Variants in KIF27 observed in about 807,000 individuals in gnomAD.
The protein encoded by KIF27 is kinesin-like protein KIF27.
Under a neutral mutation model 141.8 loss-of-function variants are expected in KIF27, and 84 were observed. That is an observed-to-expected ratio of 0.59 (90% CI 0.50 to 0.71). The LOEUF is 0.71. KIF27 is among the 30% of genes least tolerant of loss of function. KIF27 has a pLI of 0.00. For synonymous variants in KIF27, 471 were observed against 569.5 expected (o/e 0.83, Z 2.46); for missense variants, 1,306 against 1,628.4 (o/e 0.80, Z 3.41).
At chr9:83,854,300 C>T (rs1419292318) in intron 14 of KIF27, among the ~76,000 whole-genome samples, 1 of 152,040 alleles carries the variant, frequency 6.6e-6, no homozygotes, top group Non-Finnish European at 1.5e-5. Flanking sequence ...GTTGTCCCTT[C>T]AGTGATCTAT....
intron 16 of KIF27, chr9:83,847,993 T>C (rs1947523814): frequency 6.9e-6 from 1 of 145,218 alleles, no homozygotes; most frequent in Non-Finnish European, 1.5e-5. Flanking sequence ...ATATCCTATA[T>C]ATTTTATATA....
intron 13 of KIF27, among the ~76,000 whole-genome samples, 158 bp downstream of exon 13, chr9:83,867,526 A>G (rs1190640444): frequency 1.3e-5 from 2 of 151,266 alleles, no homozygotes; most frequent in Non-Finnish European, 1.5e-5. Context: ...ATCCAAAGCA[A>G]TTGCACCATT....
chr9:83,887,270 A>G, intron 8 of KIF27, 74 bp from the exon 9 acceptor site: 1 of 1,062,704 alleles, frequency 9.4e-7, no homozygotes, highest in Non-Finnish European at 1.3e-6. Context: ...AAAAAAGAAA[A>G]GCAGACTCAA....
At chr9:83,891,008 G>A (rs1182965260) in intron 6 of KIF27, among the ~76,000 whole-genome samples, 1 of 152,144 alleles carries the variant, frequency 6.6e-6, no homozygotes. Flanking sequence ...AATTCATGTA[G>A]ATATTAAACT....
chr9:83,915,143 AGAT>A (rs774928626), intron 2 of KIF27, 148 bp downstream of exon 2: 1 of 561,952 alleles, frequency 1.8e-6, no homozygotes, highest in Non-Finnish European at 3.0e-6. Context: ...AATCTTTCAA[AGAT>A]GATGATCTTA....
At chr9:83,901,468 A>G (rs2132539766) in intron 4 of KIF27, among the ~76,000 whole-genome samples, 1 of 152,372 alleles carries the variant, frequency 6.6e-6, no homozygotes, top group South Asian at 2.1e-4. Context: ...CAACCAAAAC[A>G]TATTGCAACA....
chr9:83,852,982 CA>C (rs1482256477), intron 15 of KIF27, among the ~76,000 whole-genome samples: 1 of 152,092 alleles, frequency 6.6e-6, no homozygotes, highest in Non-Finnish European at 1.5e-5. Flanking sequence ...ATGTACTTTT[CA>C]GAGAAGACTT....
Position 83,836,926 on chromosome 9 carries a change from C to T in KIF27, c.*75G>A. The T allele has an allele frequency of 6.5e-6, 10 of 1,544,764 alleles. No individual in the cohort carries two copies. The highest frequency in any genetic ancestry group is 8.7e-6 in the Non-Finnish European group (10 of 1,146,984). On this transcript the variant is annotated 3_prime_UTR_variant, in exon 18 of 18. Transcript: ENST00000297814. ...TTATTCTGAGGAAAGAGGTAGTGAA[C>T]TTGAGCTTTAGTTTTTAACAGGTTA...
chr9:83,906,096 CTT>C lies in KIF27; in HGVS notation c.500-2080_500-2079del, dbSNP rs201173561. On this transcript the variant is annotated intron_variant, in intron 3 of 17. Transcript: ENST00000297814. ...AGAAGCATGTATTATTTTTGTAACT[CTT>C]TAATAAAAGATGAAAACATTCAATA... Among the ~76,000 whole-genome samples the C allele has an allele frequency of 7.9e-3, 1,208 of 152,236 alleles. 28 individuals are homozygous for C. The highest frequency in any genetic ancestry group is 0.037 in the East Asian group (191 of 5,188).
At chr9:83,857,286 T>C (rs1949337391) in intron 14 of KIF27, among the ~76,000 whole-genome samples, 1 of 152,254 alleles carries the variant, frequency 6.6e-6, no homozygotes, top group Admixed American at 6.5e-5. Context: ...ATTTTATTGA[T>C]ACCTTGTGTC....
At position 83,848,053 on chromosome 9, in the gene KIF27, C is replaced by CA. The variant is rs1470295098; in HGVS notation, c.3556+2045_3556+2046insT. On this transcript the variant is annotated intron_variant, in intron 16 of 17. Transcript: ENST00000297814. ...TATATCTATATATATCTACATATATCTATATATCATATATATGATATATGA... is the reference window on the plus strand; with the variant it reads ...TATATCTATATATATCTACATATATCATATATATCATATATATGATATATGA... 5 of 41,602 alleles carry CA rather than the reference C, an allele frequency of 1.2e-4. 2 individuals carry two copies. Among genetic ancestry groups the CA allele is most frequent in the African/African-American group, 1.6e-4 (2 of 12,638 alleles). 2.6% of individuals were successfully genotyped at this position (41,602 alleles called of 1,614,324 possible).
intron 15 of KIF27, among the ~76,000 whole-genome samples, chr9:83,851,654 C>G (rs1019802294): frequency 6.6e-6 from 1 of 152,180 alleles, no homozygotes; most frequent in African/African-American, 2.4e-5. Context: ...CCACACCCAG[C>G]CATGTTATGC....
At chr9:83,841,395 G>A (rs1200477817) in intron 17 of KIF27, among the ~76,000 whole-genome samples, 4 of 152,076 alleles carry the variant, frequency 2.6e-5, no homozygotes, top group Non-Finnish European at 5.9e-5. Flanking sequence ...TACATTTTCA[G>A]CATATATCAC....
chr9:83,854,139 A>G (rs1313664593), intron 14 of KIF27, among the ~76,000 whole-genome samples: 2 of 152,220 alleles, frequency 1.3e-5, no homozygotes, highest in Non-Finnish European at 2.9e-5. Flanking sequence ...TTCCAAGGTT[A>G]TACAACAAAT....
At chr9:83,870,708 T>TTTC in intron 11 of KIF27, 76 bp from the exon 12 acceptor site, 1 of 196,648 alleles carries the variant, frequency 5.1e-6, no homozygotes, top group African/African-American at 4.8e-5. Flanking sequence ...AATTATTTTC[T>TTTC]TTTTTTTTTT....
intron 15 of KIF27, among the ~76,000 whole-genome samples, chr9:83,850,978 C>T (rs960679500): frequency 6.7e-5 from 10 of 150,076 alleles, no homozygotes; most frequent in African/African-American, 2.0e-4. Context: ...GCTGGGACTA[C>T]AGGCGCCCGC....
intron 11 of KIF27, among the ~76,000 whole-genome samples, chr9:83,873,268 A>C (rs563202210): frequency 1.3e-5 from 2 of 152,292 alleles, no homozygotes; most frequent in East Asian, 3.9e-4. Context: ...AGCTGGTCAC[A>C]ATCCTCAACT....
chr9:83,841,318 G>A (rs1452051898), intron 17 of KIF27, among the ~76,000 whole-genome samples: 3 of 152,118 alleles, frequency 2.0e-5, no homozygotes, highest in Non-Finnish European at 4.4e-5. Context: ...TGATCCACCC[G>A]CCTTGGCCTC....
chr9:83,911,032 A>G (rs1170085654), intron 2 of KIF27, among the ~76,000 whole-genome samples: 1 of 152,158 alleles, frequency 6.6e-6, no homozygotes, highest in African/African-American at 2.4e-5. Flanking sequence ...CTAGACACAG[A>G]AGGAAAAATA....
Sources: allele counts gnomAD v4.1 joint callset (sites outside exome capture counted in the v4.1 genomes callset), GRCh38; gene constraint gnomAD v4.1.1; transcripts MANE v1.5; gene names NCBI Gene and HGNC (gene_info 2026-07-23, HGNC 2026-07-21).